TENM2: variants seen among roughly 807,000 people sequenced by gnomAD.
TENM2 encodes teneurin-2.
Under a neutral mutation model 245.2 loss-of-function variants are expected in TENM2, and 52 were observed. The ratio of observed to expected loss-of-function variants is 0.21; its 90% CI spans 0.17 to 0.27. The LOEUF is 0.27. Among genes scored for constraint, TENM2 ranks in the 10% least tolerant of loss-of-function variants. TENM2 has a pLI of 1.00. For synonymous variants in TENM2, 1,363 were observed against 1,438.9 expected (o/e 0.95, Z 1.19); for missense variants, 3,046 against 3,666.8 (o/e 0.83, Z 4.37).
intron 2 of TENM2, among the ~76,000 whole-genome samples, chr5:167,412,437 G>A (rs764228450): frequency 6.6e-6 from 1 of 152,088 alleles, no homozygotes; most frequent in Non-Finnish European, 1.5e-5. Context: ...AAGGTGGGTA[G>A]ATTACCTGAG....
intron 1 of TENM2, among the ~76,000 whole-genome samples, chr5:167,303,987 G>A (rs1755513615): frequency 6.6e-6 from 1 of 152,160 alleles, no homozygotes; most frequent in East Asian, 1.9e-4. Context: ...ATTTAAAATG[G>A]TTCTGTAATG....
At chr5:167,061,155 G>A in the TENM2 span, among the ~76,000 whole-genome samples, 1 of 151,852 alleles carries the variant, frequency 6.6e-6, no homozygotes, top group African/African-American at 2.4e-5. Flanking sequence ...GCACACGAAT[G>A]TTAATCCCAG....
At chr5:167,605,208 G>C (rs1325169377) in intron 2 of TENM2, among the ~76,000 whole-genome samples, 1 of 152,088 alleles carries the variant, frequency 6.6e-6, no homozygotes, top group Admixed American at 6.6e-5. Flanking sequence ...AAGAACGTAC[G>C]ATTCTATGTT....
intron 2 of TENM2, among the ~76,000 whole-genome samples, chr5:167,392,110 T>C (rs1761793452): frequency 6.6e-6 from 1 of 152,170 alleles, no homozygotes; most frequent in African/African-American, 2.4e-5. Flanking sequence ...CAGTCTTTTT[T>C]CCTTTCCATT....
chr5:168,092,390 CA>C (rs1475728467), intron 8 of TENM2, among the ~76,000 whole-genome samples: 2 of 152,212 alleles, frequency 1.3e-5, no homozygotes, highest in African/African-American at 4.8e-5. Context: ...CAGCCCCATA[CA>C]TCTGTTTACA....
chr5:167,110,793 G>A, the TENM2 span, among the ~76,000 whole-genome samples: 174 of 152,132 alleles, frequency 1.1e-3, 1 homozygote, highest in Non-Finnish European at 2.0e-3. Context: ...AACATTTTTG[G>A]AGACTCAGAA....
At chr5:167,348,682 G>A (rs1758627984) in intron 1 of TENM2, among the ~76,000 whole-genome samples, 1 of 152,204 alleles carries the variant, frequency 6.6e-6, no homozygotes, top group Admixed American at 6.5e-5. Context: ...AACATAGAGT[G>A]TTTTAACCCC....
chr5:168,252,700 A>G (rs1195038098), intron 27 of TENM2, among the ~76,000 whole-genome samples: 1 of 151,560 alleles, frequency 6.6e-6, no homozygotes, highest in Non-Finnish European at 1.5e-5. Context: ...AAAAAAAATT[A>G]GCCAGGCATC....
At chr5:168,230,553 C>A (rs545852059) in intron 25 of TENM2, among the ~76,000 whole-genome samples, 1 of 152,118 alleles carries the variant, frequency 6.6e-6, no homozygotes, top group Non-Finnish European at 1.5e-5. Flanking sequence ...GAGTTTGCAG[C>A]CCCTAAGCCG....
At chr5:167,669,529 C>G (rs1755795225) in intron 2 of TENM2, among the ~76,000 whole-genome samples, 1 of 151,938 alleles carries the variant, frequency 6.6e-6, no homozygotes, top group Non-Finnish European at 1.5e-5. Flanking sequence ...TGAGCTTAAA[C>G]AAAGCTATGA....
intron 2 of TENM2, among the ~76,000 whole-genome samples, chr5:167,604,687 A>T (rs956535873): frequency 4.6e-5 from 7 of 152,200 alleles, no homozygotes; most frequent in Admixed American, 3.9e-4. Flanking sequence ...AGACACATCA[A>T]TGTGTTCCTT....
At chr5:167,818,464 GCTAA>G (rs1247948971) in intron 2 of TENM2, among the ~76,000 whole-genome samples, 1 of 152,166 alleles carries the variant, frequency 6.6e-6, no homozygotes, top group Non-Finnish European at 1.5e-5. Context: ...TAAGCACAGA[GCTAA>G]CTAAGTACTT....
intron 7 of TENM2, among the ~76,000 whole-genome samples, chr5:168,072,473 T>G (rs1791099727): frequency 6.6e-6 from 1 of 152,130 alleles, no homozygotes; most frequent in Non-Finnish European, 1.5e-5. Context: ...CAACAAATAC[T>G]CATTGAATGT....
the TENM2 span, among the ~76,000 whole-genome samples, chr5:167,077,732 A>G: frequency 6.6e-6 from 1 of 152,188 alleles, no homozygotes. Flanking sequence ...CAAACCTTTT[A>G]GTGTATGAAT....
At chr5:168,051,830 G>T (rs1372018839) in intron 6 of TENM2, among the ~76,000 whole-genome samples, 2 of 152,124 alleles carry the variant, frequency 1.3e-5, no homozygotes, top group African/African-American at 4.8e-5. Flanking sequence ...GTAAAACATT[G>T]CATGTGGCAT....
chr5:167,132,629 C>A, the TENM2 span, among the ~76,000 whole-genome samples: 1 of 152,090 alleles, frequency 6.6e-6, no homozygotes, highest in East Asian at 1.9e-4. Context: ...TGGCATGTGA[C>A]CCCCTGAGTG....
chr5:167,549,755 G>GT lies in TENM2; in HGVS notation c.502+174292dup, dbSNP rs913331359. 7.8e-3 allele frequency among the ~76,000 whole-genome samples: 1,151 copies of GT among 147,322 alleles called. 9 individuals carry two copies. Among genetic ancestry groups the GT allele is most frequent in the Non-Finnish European group, 0.01 (678 of 66,484 alleles). On this transcript the variant is annotated intron_variant, in intron 2 of 28. Transcript: ENST00000518659. ...CTTTGTGATGTGTTAGCTGTTTTTT[G>GT]TTTTTTTTTTATAGTGTGAATACAT...
intron 2 of TENM2, among the ~76,000 whole-genome samples, chr5:167,562,013 G>A (rs1241413999): frequency 6.6e-6 from 1 of 152,164 alleles, no homozygotes; most frequent in Non-Finnish European, 1.5e-5. Flanking sequence ...GTATGACTAA[G>A]TGAGGCAGTT....
At chr5:167,342,457 G>A (rs1229760144) in intron 1 of TENM2, among the ~76,000 whole-genome samples, 1 of 147,544 alleles carries the variant, frequency 6.8e-6, no homozygotes, top group Non-Finnish European at 1.5e-5. Context: ...TATTAACCCT[G>A]GTCATCTGAC....
Sources: allele counts gnomAD v4.1 joint callset (sites outside exome capture counted in the v4.1 genomes callset), GRCh38; gene constraint gnomAD v4.1.1; transcripts MANE v1.5; gene names NCBI Gene and HGNC (gene_info 2026-07-23, HGNC 2026-07-21).